Variants in EIF2A observed in about 807,000 individuals in gnomAD.
EIF2A encodes the protein 65 kDa eukaryotic translation initiation factor 2A.
EIF2A carries 62 observed loss-of-function variants against 75.2 expected under a neutral mutation model. That is an observed-to-expected ratio of 0.82 (90% confidence interval 0.67 to 1.02). EIF2A has a LOEUF of 1.02. Among genes scored for constraint, EIF2A ranks in the 50% least tolerant of loss-of-function variants. EIF2A has a pLI of 0.00. For missense variants in EIF2A, 611 were observed against 677.7 expected, an observed-to-expected ratio of 0.90 and a Z score of 1.09; for synonymous variants, 207 against 239.0, an observed-to-expected ratio of 0.87 and a Z score of 1.23.
At position 150,580,673 on chromosome 3, in the gene EIF2A, G is replaced by A. The variant is rs146905746; in HGVS notation, c.1498-945G>A. Among the ~76,000 whole-genome samples, 18 of 152,094 alleles carry A rather than the reference G, an allele frequency of 1.2e-4. No homozygotes were observed. In the East Asian group the frequency reaches 3.5e-3, roughly 29 times the overall value. ...AGAACTTTCACCTTTTCACTTAAAG[G>A]GAGCACTTTACGGCTTCTCTTTGGC... On this transcript the variant is annotated intron_variant, in intron 11 of 13. Transcript: ENST00000460851.
At position 150,584,071 on chromosome 3, in the gene EIF2A, T is replaced by C; in HGVS notation, c.*160T>C. 1.6e-6 allele frequency: 1 copy of C among 628,382 alleles called. No individual in the cohort carries two copies. The highest frequency in any genetic ancestry group is 2.7e-5 in the South Asian group (1 of 37,534). 38.9% of individuals were successfully genotyped at this position (628,382 alleles called of 1,614,324 possible). A position where few individuals can be genotyped will look rare whatever the true frequency, so the allele number is the denominator to read the frequency against. ...TACTAAGTGTAAAATTATTTAATAA[T>C]GTCTATTAAATTGATATTTATATCT... On this transcript the variant is annotated 3_prime_UTR_variant, in exon 14 of 14. Transcript: ENST00000460851.
chr3:150,570,566 TA>T (rs1417100276), intron 9 of EIF2A, among the ~76,000 whole-genome samples: 53 of 126,864 alleles, frequency 4.2e-4, no homozygotes, highest in Middle Eastern at 3.9e-3. Flanking sequence ...ACCATCTCTT[TA>T]AAAAAAAAAA....
intron 11 of EIF2A, among the ~76,000 whole-genome samples, chr3:150,577,843 G>T (rs1724959693): frequency 6.6e-6 from 1 of 152,148 alleles, no homozygotes; most frequent in African/African-American, 2.4e-5. Context: ...TTAAGGTATA[G>T]AATTGTATTA....
chr3:150,574,297 G>GT (rs1292464726), intron 10 of EIF2A, among the ~76,000 whole-genome samples: 2 of 152,184 alleles, frequency 1.3e-5, no homozygotes, highest in Non-Finnish European at 2.9e-5. Context: ...ATGATTTATA[G>GT]TAGTTGTGTG....
chr3:150,568,527 C>T (rs983642405), intron 9 of EIF2A, among the ~76,000 whole-genome samples: 4 of 152,148 alleles, frequency 2.6e-5, no homozygotes, highest in Non-Finnish European at 5.9e-5. Flanking sequence ...AGTGAACTTC[C>T]TGAGTAAGGT....
At chr3:150,564,957 AT>A (rs1437565467) in intron 6 of EIF2A, 6 of 173,858 alleles carry the variant, frequency 3.5e-5, no homozygotes, top group South Asian at 1.2e-4. Context: ...AAATGTTACA[AT>A]TTTTTTTAAA....
At chr3:150,560,680 GTTAC>G (rs1223335568) in intron 3 of EIF2A, among the ~76,000 whole-genome samples, 13 of 145,554 alleles carry the variant, frequency 8.9e-5, no homozygotes, top group African/African-American at 3.0e-4. Flanking sequence ...GTAGAACAAA[GTTAC>G]TTACAGCAAC....
intron 10 of EIF2A, among the ~76,000 whole-genome samples, chr3:150,572,899 C>T (rs981112631): frequency 2.7e-5 from 4 of 149,528 alleles, no homozygotes; most frequent in East Asian, 2.0e-4. Flanking sequence ...CTAAACAAAA[C>T]GTATGACTGG....
At chr3:150,551,059 A>C (rs569925338) in intron 1 of EIF2A, among the ~76,000 whole-genome samples, 1 of 152,114 alleles carries the variant, frequency 6.6e-6, no homozygotes, top group East Asian at 1.9e-4. Context: ...GGGTTTTTGC[A>C]CTTGTTAACT....
At position 150,548,319 on chromosome 3, in the gene EIF2A, A is replaced by G. The variant is rs1487196870; in HGVS notation, c.28+1489A>G. On this transcript the variant is annotated intron_variant, in intron 1 of 13. Transcript: ENST00000460851. The stretch of plus-strand genomic sequence containing the variant: ...GCCTTTCGTCACTCTACCCAGATAG[A>G]GTCAGTCACTTCCTGGGCTATTTTT... 2.0e-5 allele frequency among the ~76,000 whole-genome samples: 3 copies of G among 152,350 alleles called. No homozygotes were observed. In the East Asian group the frequency reaches 5.8e-4, roughly 29 times the overall value.
At chr3:150,552,576 T>A in intron 2 of EIF2A, 151 bp downstream of exon 2, 1 of 607,224 alleles carries the variant, frequency 1.6e-6, no homozygotes, top group South Asian at 2.7e-5. Context: ...AGAATACATA[T>A]TCTCTATCAA....
At chr3:150,566,897 G>T in intron 6 of EIF2A, 1 of 152,318 alleles carries the variant, frequency 6.6e-6, no homozygotes, top group Non-Finnish European at 1.5e-5. Context: ...TTGTTCACAC[G>T]TACCAAAGAT....
At chr3:150,573,936 GT>G (rs1724697145) in intron 10 of EIF2A, among the ~76,000 whole-genome samples, 1 of 152,182 alleles carries the variant, frequency 6.6e-6, no homozygotes, top group African/African-American at 2.4e-5. Flanking sequence ...TTGGTCCGGT[GT>G]GGGGGTTTCG....
intron 2 of EIF2A, among the ~76,000 whole-genome samples, chr3:150,557,339 C>A (rs1049078610): frequency 6.6e-6 from 1 of 152,090 alleles, no homozygotes; most frequent in Admixed American, 6.5e-5. Flanking sequence ...AAATGAGTTG[C>A]ATAAGTGTAG....
intron 11 of EIF2A, among the ~76,000 whole-genome samples, chr3:150,578,570 A>T (rs1041260039): frequency 6.6e-6 from 1 of 151,796 alleles, no homozygotes; most frequent in South Asian, 2.1e-4. Context: ...AGTTTTTTTT[A>T]AAAGAGCCAA....
At chr3:150,546,915 C>T (rs1559871545) in intron 1 of EIF2A, 85 bp downstream of exon 1, 3 of 1,580,886 alleles carry the variant, frequency 1.9e-6, no homozygotes, top group Non-Finnish European at 2.6e-6. Context: ...CCCGAGGAGC[C>T]GGGGAGTCTG....
At chr3:150,560,946 G>A (rs1723822356) in intron 3 of EIF2A, among the ~76,000 whole-genome samples, 1 of 151,962 alleles carries the variant, frequency 6.6e-6, no homozygotes, top group African/African-American at 2.4e-5. Context: ...ACATAAAGTG[G>A]TTAGGTACAT....
chr3:150,569,708 G>A (rs550824619), intron 9 of EIF2A, among the ~76,000 whole-genome samples: 86 of 151,972 alleles, frequency 5.7e-4, no homozygotes, highest in Middle Eastern at 6.8e-3. Context: ...CTAGCTACTC[G>A]GGAGGCTGAG....
intron 11 of EIF2A, among the ~76,000 whole-genome samples, chr3:150,578,435 A>G (rs1199595112): frequency 6.6e-6 from 1 of 150,612 alleles, no homozygotes; most frequent in African/African-American, 2.4e-5. Flanking sequence ...AATTATTATT[A>G]TAAATAATAG....
Sources: allele counts gnomAD v4.1 joint callset (sites outside exome capture counted in the v4.1 genomes callset), GRCh38; gene constraint gnomAD v4.1.1; transcripts MANE v1.5; gene names NCBI Gene and HGNC (gene_info 2026-07-23, HGNC 2026-07-21).